Variants in ZNF468 observed in about 807,000 individuals in gnomAD.
ZNF468 encodes zinc finger protein ZNF468.
Under a neutral mutation model 7.2 loss-of-function variants are expected in ZNF468, and 8 were observed. That is an observed-to-expected ratio of 1.11 (90% CI 0.65 to 2.01). ZNF468 has a LOEUF of 2.01. Among genes scored for constraint, ZNF468 ranks in the 30% most tolerant of loss-of-function variants. The pLI, the probability that ZNF468 is intolerant of heterozygous loss-of-function variation, is 0.00. For missense variants in ZNF468, 608 were observed against 626.5 expected, an observed-to-expected ratio of 0.97 and a Z score of 0.31; for synonymous variants, 218 against 214.4, an observed-to-expected ratio of 1.02 and a Z score of -0.15.
intron 1 of ZNF468, among the ~76,000 whole-genome samples, chr19:52,856,968 C>G (rs545845361): frequency 6.6e-6 from 1 of 152,120 alleles, no homozygotes; most frequent in African/African-American, 2.4e-5. Context: ...CTCGGAGAAG[C>G]GCATTTTCCA....
Position 52,842,118 on chromosome 19 carries a change from G to A in ZNF468, c.176C>T (p.Ser59Leu), listed in dbSNP as rs148965254. Residue 59 changes from serine to leucine, a missense_variant, in exon 4 of 4, where the codon TCG becomes TTG. Transcript: ENST00000595646. ...ISSKCMLKTL[S>L]STGQGNTEVI... ...TTCTGTATTGCCTTGCCCTGTTGACGACAACGTCTTCAACATGCATTTGGA... is the reference window on the plus strand; with the variant it reads ...TTCTGTATTGCCTTGCCCTGTTGACAACAACGTCTTCAACATGCATTTGGA... 2.9e-4 allele frequency: 470 copies of A among 1,595,508 alleles called. 3 individuals are homozygous for A. The African/African-American group carries it at 5.2e-3, about 18-fold the overall frequency.
chr19:52,847,042 G>C (rs1426567558), intron 3 of ZNF468, among the ~76,000 whole-genome samples: 1 of 144,938 alleles, frequency 6.9e-6, no homozygotes, highest in East Asian at 2.0e-4. Flanking sequence ...GAGATAAGTG[G>C]GTGCAAAGAA....
intron 1 of ZNF468, 119 bp from the exon 2 acceptor site, chr19:52,854,464 C>T (rs1460025891): frequency 1.3e-5 from 14 of 1,052,198 alleles, no homozygotes; most frequent in Non-Finnish European, 1.7e-5. Context: ...CTGCCCACTG[C>T]ACAATGAACA....
intron 2 of ZNF468, among the ~76,000 whole-genome samples, chr19:52,850,194 G>A (rs1265036273): frequency 6.6e-6 from 1 of 152,062 alleles, no homozygotes; most frequent in South Asian, 2.1e-4. Context: ...AATGAAAGAG[G>A]AATCTCATCT....
intron 3 of ZNF468, among the ~76,000 whole-genome samples, chr19:52,842,861 T>C (rs1383073537): frequency 7.2e-6 from 1 of 138,316 alleles, no homozygotes; most frequent in Non-Finnish European, 1.5e-5. Context: ...TGGTGGCTTG[T>C]GACTCTAATC....
Position 52,849,144 on chromosome 19 carries a change from G to C in ZNF468, c.85C>G (p.Gln29Glu), listed in dbSNP as rs2063363568. Residue 29 changes from glutamine to glutamate, a missense_variant, in exon 3 of 4, where the codon CAG becomes GAG. By Grantham distance (29) the Gln-to-Glu change is conservative. Coordinates refer to ENST00000595646, the MANE Select transcript of ZNF468 (RefSeq NM_001008801.2). ...QEEWKCLDPAQRTLYRDVMLE... is the reference protein window; with the variant it reads ...QEEWKCLDPAERTLYRDVMLE... ...ATCACGTCCCTGTATAAAGTCCTCT[G>C]AGCAGGGTCCAGGCATTTCCACTCC... The C allele has an allele frequency of 6.2e-7, 1 of 1,613,982 alleles. No homozygotes were observed. Among genetic ancestry groups the C allele is most frequent in the East Asian group, 2.2e-5 (1 of 44,862 alleles).
chr19:52,841,717 C>T lies in ZNF468; in HGVS notation c.577G>A (p.Gly193Arg), dbSNP rs758391769. Residue 193 changes from glycine to arginine, a missense_variant, in exon 4 of 4, where the codon GGA (glycine) becomes AGA (arginine). Transcript: ENST00000595646. ...AATGAAGAATGGAGGGAATTATTTC[C>T]ATACTTATTAGAAATATGGGTTTTG... is the stretch of plus-strand genomic sequence containing the variant. ...RPKTHISNKY[G>R]NNSLHSSLLT... 1 of 1,613,974 alleles carries T rather than the reference C, an allele frequency of 6.2e-7. No individual in the cohort carries two copies. Among genetic ancestry groups the T allele is most frequent in the South Asian group, 1.1e-5 (1 of 91,058 alleles).
intron 2 of ZNF468, 96 bp downstream of exon 2, chr19:52,854,162 T>A (rs1175007215): frequency 1.2e-6 from 2 of 1,605,350 alleles, no homozygotes; most frequent in African/African-American, 2.7e-5. Context: ...AGCAAACATG[T>A]CAGGCAGGTC....
At chr19:52,853,774 G>T in intron 2 of ZNF468, 4 of 864,430 alleles carry the variant, frequency 4.6e-6, no homozygotes, top group Non-Finnish European at 4.4e-6. Flanking sequence ...AAGATTTTTG[G>T]AGTCAGAAAC....
intron 1 of ZNF468, among the ~76,000 whole-genome samples, chr19:52,854,931 A>G (rs1004954755): frequency 6.6e-6 from 1 of 152,114 alleles, no homozygotes; most frequent in Non-Finnish European, 1.5e-5. Context: ...CTGAGGTAGG[A>G]GAACTGCTTG....
Position 52,854,318 on chromosome 19 carries a change from A to C in ZNF468, c.-46T>G, listed in dbSNP as rs778123137. 6.2e-7 allele frequency: 1 copy of C among 1,613,078 alleles called. No individual in the cohort carries two copies. Among genetic ancestry groups the C allele is most frequent in the South Asian group, 1.1e-5 (1 of 91,060 alleles). The stretch of plus-strand genomic sequence containing the variant: ...TCTTCCTCTTCTGGGTTTCTTTCTC[A>C]CGTACCAACAGTCTTTAGAAGTCAA... On this transcript the variant is annotated 5_prime_UTR_variant, in exon 2 of 4. Transcript: ENST00000595646.
rs1446845308 is a variant in ZNF468, at chr19:52,838,016, C to T, written c.*2709G>A. ...TAGACCCTGTTCAGACATGTTATAA[C>T]AGATTTGTGCCAGTTTATTTTGGTG... On this transcript the variant is annotated 3_prime_UTR_variant, in exon 4 of 4. Transcript: ENST00000595646. The T allele has an allele frequency of 2.6e-5, 4 of 152,250 alleles. No homozygotes were observed. The highest frequency in any genetic ancestry group is 4.8e-5 in the African/African-American group (2 of 41,536). 9.4% of individuals were successfully genotyped at this position (152,250 alleles called of 1,614,324 possible). A position where few individuals can be genotyped will look rare whatever the true frequency, so the allele number is the denominator to read the frequency against.
chr19:52,850,860 C>G (rs1053903049), intron 2 of ZNF468, among the ~76,000 whole-genome samples: 1 of 151,754 alleles, frequency 6.6e-6, no homozygotes, highest in Non-Finnish European at 1.5e-5. Flanking sequence ...GATCGCGCCA[C>G]TGCACTCCAG....
At chr19:52,855,585 A>G (rs1600538690) in intron 1 of ZNF468, among the ~76,000 whole-genome samples, 1 of 152,166 alleles carries the variant, frequency 6.6e-6, no homozygotes, top group African/African-American at 2.4e-5. Flanking sequence ...AGGCACTGAC[A>G]TGACCTGCTT....
intron 3 of ZNF468, 69 bp downstream of exon 3, chr19:52,849,018 C>T: frequency 6.3e-7 from 1 of 1,589,108 alleles, no homozygotes; most frequent in South Asian, 1.1e-5. Flanking sequence ...CAATGGGGTT[C>T]CTAAGAGACA....
rs765861862 is a variant in ZNF468, at chr19:52,854,307, G to A, written c.-35C>T. 3 of 1,613,466 alleles carry A rather than the reference G, an allele frequency of 1.9e-6. No individual in the cohort carries two copies. Among genetic ancestry groups the A allele is most frequent in the Admixed American group, 1.7e-5 (1 of 59,978 alleles). ...CTTTGCTTTCCTCTTCCTCTTCTGGGTTTCTTTCTCACGTACCAACAGTCT... is the reference window on the plus strand; with the variant it reads ...CTTTGCTTTCCTCTTCCTCTTCTGGATTTCTTTCTCACGTACCAACAGTCT... On this transcript the variant is annotated 5_prime_UTR_variant, in exon 2 of 4. Coordinates refer to ENST00000595646, the MANE Select transcript of ZNF468 (RefSeq NM_001008801.2).
Position 52,839,923 on chromosome 19 carries a change from C to T in ZNF468, c.*802G>A. On this transcript the variant is annotated 3_prime_UTR_variant, in exon 4 of 4. Coordinates refer to ENST00000595646, the MANE Select transcript of ZNF468 (RefSeq NM_001008801.2). ...ATGATGTGCAATGGTTGTAGCATTACTGAAAACTTTGTGACAATCATTACA... is the reference window on the plus strand; with the variant it reads ...ATGATGTGCAATGGTTGTAGCATTATTGAAAACTTTGTGACAATCATTACA... 2 of 962,022 alleles carry T rather than the reference C, an allele frequency of 2.1e-6. No individual in the cohort carries two copies. The highest frequency in any genetic ancestry group is 3.0e-6 in the Non-Finnish European group (2 of 657,554). The allele number at this position is 962,022 out of a possible 1,614,324, so 59.6% of individuals were successfully genotyped here. A position where few individuals can be genotyped will look rare whatever the true frequency, so the allele number is the denominator to read the frequency against.
At chr19:52,848,693 C>T (rs569020552) in intron 3 of ZNF468, among the ~76,000 whole-genome samples, 45 of 152,084 alleles carry the variant, frequency 3.0e-4, no homozygotes, top group Non-Finnish European at 6.0e-4. Context: ...TGGGATTACA[C>T]GTACGTGCCA....
intron 3 of ZNF468, among the ~76,000 whole-genome samples, chr19:52,842,536 T>C (rs2063313052): frequency 6.6e-6 from 1 of 151,550 alleles, no homozygotes. Flanking sequence ...AAATAAATGC[T>C]AAAGAACCAC....
Sources: allele counts gnomAD v4.1 joint callset (sites outside exome capture counted in the v4.1 genomes callset), GRCh38; gene constraint gnomAD v4.1.1; transcripts MANE v1.5; gene names NCBI Gene and HGNC (gene_info 2026-07-23, HGNC 2026-07-21).